MAPT: variants seen among roughly 807,000 people sequenced by gnomAD.
MAPT encodes microtubule-associated protein tau.
In MAPT, 34 loss-of-function variants were observed where a neutral mutation model predicts 67.9. That is an observed-to-expected ratio of 0.50 (90% CI 0.38 to 0.67). The LOEUF (loss-of-function observed/expected upper bound fraction) is 0.67, where lower values mean the gene tolerates loss of function less well. Ranked by LOEUF, MAPT falls within the 30% of genes least tolerant of loss-of-function variation. The pLI is 0.00. For missense variants in MAPT, 881 were observed against 1,115.2 expected, an observed-to-expected ratio of 0.79 and a Z score of 2.99; for synonymous variants, 456 against 464.5, an observed-to-expected ratio of 0.98 and a Z score of 0.23.
chr17:45,905,869 T>C (rs372275968), intron 1 of MAPT, among the ~76,000 whole-genome samples: 2 of 152,394 alleles, frequency 1.3e-5, no homozygotes, highest in East Asian at 3.8e-4. Context: ...TCAGAAGTGC[T>C]GCAGGGCTGG....
chr17:45,920,869 T>C (rs1415955095), intron 1 of MAPT, among the ~76,000 whole-genome samples: 1 of 152,200 alleles, frequency 6.6e-6, no homozygotes, highest in Non-Finnish European at 1.5e-5. Context: ...CATGGAACCT[T>C]CACCCACCTC....
At chr17:45,914,843 C>T (rs1040548032) in intron 1 of MAPT, among the ~76,000 whole-genome samples, 1 of 151,810 alleles carries the variant, frequency 6.6e-6, no homozygotes, top group African/African-American at 2.4e-5. Flanking sequence ...ACCTCAGCCT[C>T]CTGAGTAGCT....
chr17:45,918,959 G>A (rs1438015624), intron 1 of MAPT, among the ~76,000 whole-genome samples: 2 of 151,948 alleles, frequency 1.3e-5, no homozygotes, highest in Non-Finnish European at 2.9e-5. Flanking sequence ...CTACTCAGGA[G>A]GCTGAGGTGG....
chr17:45,917,535 G>A (rs908651534), intron 1 of MAPT, among the ~76,000 whole-genome samples: 2 of 152,146 alleles, frequency 1.3e-5, no homozygotes, highest in African/African-American at 4.8e-5. Context: ...TCCTGGAGGG[G>A]GCATGGGCAT....
chr17:45,925,814 G>T (rs1163660991), intron 1 of MAPT, among the ~76,000 whole-genome samples: 1 of 152,176 alleles, frequency 6.6e-6, no homozygotes, highest in East Asian at 1.9e-4. Context: ...GTAGGATTAT[G>T]ATCAGTAAGT....
chr17:45,911,873 T>C (rs960736848), intron 1 of MAPT, among the ~76,000 whole-genome samples: 1 of 152,192 alleles, frequency 6.6e-6, no homozygotes, highest in Non-Finnish European at 1.5e-5. Flanking sequence ...TCCACCTTCC[T>C]GGAGGGTGGA....
At position 45,915,591 on chromosome 17, in the gene MAPT, G is replaced by A. The variant is rs2065151177; in HGVS notation, c.-18+20905G>A. Among the ~76,000 whole-genome samples the A allele has an allele frequency of 6.6e-6, 1 of 151,936 alleles. No individual in the cohort carries two copies. The highest frequency in any genetic ancestry group is 1.5e-5 in the Non-Finnish European group (1 of 67,956). ...ATGTGTGTGGCGTGTGAGCGTGTGT[G>A]TGCATTGTGTCTGTGAGCATGTGTG... On this transcript the variant is annotated intron_variant, in intron 1 of 12. Coordinates refer to ENST00000262410, the MANE Select transcript of MAPT (RefSeq NM_001377265.1). This position sits in a 1 kb window ranked among gnomAD's most constrained non-coding sequence, Gnocchi z 4.4.
chr17:45,904,015 ATATATTATATATT>A, intron 1 of MAPT, among the ~76,000 whole-genome samples: 1 of 29,528 alleles, frequency 3.4e-5, no homozygotes, highest in African/African-American at 1.1e-4. Flanking sequence ...TATATATATT[ATATATTATATATT>A]TATATATTAT....
chr17:45,953,288 G>A (rs2069272225), intron 1 of MAPT, among the ~76,000 whole-genome samples: 1 of 152,232 alleles, frequency 6.6e-6, no homozygotes, highest in Admixed American at 6.5e-5. Flanking sequence ...CCTATTTTCT[G>A]CCTATGTCAA....
At chr17:45,985,179 C>G (rs1210948591) in intron 5 of MAPT, among the ~76,000 whole-genome samples, 1 of 152,072 alleles carries the variant, frequency 6.6e-6, no homozygotes, top group Non-Finnish European at 1.5e-5. Flanking sequence ...GTGGCGGGCA[C>G]CTGTAGTCCC....
At chr17:45,920,038 G>A (rs2065546254) in intron 1 of MAPT, among the ~76,000 whole-genome samples, 1 of 152,244 alleles carries the variant, frequency 6.6e-6, no homozygotes, top group Non-Finnish European at 1.5e-5. Context: ...GCTGGCCTGG[G>A]TACCTGGCTG....
chr17:45,946,184 G>A (rs1159035094), intron 1 of MAPT, among the ~76,000 whole-genome samples: 1 of 152,110 alleles, frequency 6.6e-6, no homozygotes, highest in Non-Finnish European at 1.5e-5. Context: ...TGGGTTCAGG[G>A]GATTCATTTC....
At chr17:45,921,241 C>T (rs902134151) in intron 1 of MAPT, among the ~76,000 whole-genome samples, 1 of 152,090 alleles carries the variant, frequency 6.6e-6, no homozygotes. Context: ...CAGGGCAGAC[C>T]GTGGGAAGCT....
At chr17:45,917,385 A>G (rs977143948) in intron 1 of MAPT, among the ~76,000 whole-genome samples, 2 of 152,246 alleles carry the variant, frequency 1.3e-5, no homozygotes, top group Non-Finnish European at 2.9e-5. Flanking sequence ...AACAAAAGCA[A>G]AAACAGCAAA....
intron 1 of MAPT, among the ~76,000 whole-genome samples, 182 bp from the exon 2 acceptor site, chr17:45,962,139 A>C (rs1347180357): frequency 1.3e-5 from 2 of 152,134 alleles, no homozygotes. Flanking sequence ...AGATAGATGT[A>C]AATAACGCTT....
intron 1 of MAPT, among the ~76,000 whole-genome samples, chr17:45,935,312 T>C (rs1160149715): frequency 1.3e-5 from 2 of 152,120 alleles, no homozygotes; most frequent in African/African-American, 4.8e-5. Flanking sequence ...CACAAGGCTT[T>C]GTTCTGCAGC....
At chr17:45,919,865 C>T (rs2065530841) in intron 1 of MAPT, among the ~76,000 whole-genome samples, 1 of 152,220 alleles carries the variant, frequency 6.6e-6, no homozygotes, top group Non-Finnish European at 1.5e-5. Flanking sequence ...GTGAGCTATG[C>T]TGGCACCACA....
At chr17:45,999,513 C>G in intron 9 of MAPT, 1 of 1,613,930 alleles carries the variant, frequency 6.2e-7, no homozygotes, top group Non-Finnish European at 8.5e-7. Context: ...CCAGTTCTTA[C>G]AGCTCTGAAG....
rs1358702040 is a variant in MAPT, at chr17:46,027,507, CTG to C, written c.*3338_*3339del. On this transcript the variant is annotated 3_prime_UTR_variant, in exon 13 of 13. Transcript: ENST00000262410. ...ATTTAAATTGACTTCAGTGGTGAGA[CTG>C]TATCCTGTTTGCTATTGCTTGTTGT... The C allele has an allele frequency of 6.6e-6, 1 of 152,406 alleles. No individual in the cohort carries two copies. The highest frequency in any genetic ancestry group is 1.5e-5 in the Non-Finnish European group (1 of 68,170). The allele number at this position is 152,406 out of a possible 1,614,324, so 9.4% of individuals were successfully genotyped here.
Sources: gnomAD v4.1 joint callset for allele counts (sites outside exome capture counted in the v4.1 genomes callset) on GRCh38, gnomAD v4.1.1 for gene constraint, Gnocchi (gnomAD v3.1) non-coding constraint, MANE v1.5 for transcripts, NCBI Gene and HGNC (gene_info 2026-07-23, HGNC 2026-07-21) for gene names.